The following LRRC37B variants were observed in gnomAD, a reference collection of about 807,000 sequenced individuals.
LRRC37B encodes the protein leucine rich repeat containing 37B.
A neutral mutation model predicts 98.3 loss-of-function variants in LRRC37B; 28 were observed. The ratio of observed to expected loss-of-function variants is 0.28; its 90% CI spans 0.21 to 0.39. The LOEUF (loss-of-function observed/expected upper bound fraction) is 0.39, where lower values mean the gene tolerates loss of function less well. Among genes scored for constraint, LRRC37B ranks in the 10% least tolerant of loss-of-function variants. The pLI, the probability that LRRC37B is intolerant of heterozygous loss-of-function variation, is 1.00. For missense variants in LRRC37B, 938 were observed against 1,182.7 expected, an observed-to-expected ratio of 0.79 and a Z score of 3.03; for synonymous variants, 364 against 442.7, an observed-to-expected ratio of 0.82 and a Z score of 2.23.
chr17:32,027,033 T>G (rs1244872521), intron 2 of LRRC37B, among the ~76,000 whole-genome samples: 1 of 152,118 alleles, frequency 6.6e-6, no homozygotes, highest in Non-Finnish European at 1.5e-5. Context: ...AGAAATTAAA[T>G]TAAATTAAAT....
chr17:32,017,820 C>T (rs527248617), upstream of LRRC37B, among the ~76,000 whole-genome samples: 9 of 152,010 alleles, frequency 5.9e-5, no homozygotes, highest in South Asian at 2.1e-4. Flanking sequence ...AACAAAAAAA[C>T]GAAGCATATG....
intron 7 of LRRC37B, chr17:32,042,014 T>G (rs1911454271): frequency 2.8e-6 from 1 of 356,140 alleles, no homozygotes; most frequent in South Asian, 2.1e-5. Flanking sequence ...ACAAGCCTGC[T>G]CCTGGCGATG....
At chr17:32,013,969 A>G (rs1163718713) in intron 1 of LRRC37B, among the ~76,000 whole-genome samples, 1 of 152,114 alleles carries the variant, frequency 6.6e-6, no homozygotes, top group Non-Finnish European at 1.5e-5. Context: ...TCCTTCAAAC[A>G]TCCCTCTTAC....
In LRRC37B at chr17:32,013,708, A is replaced by ATGTGTGTG. The variant is rs879747437; in HGVS notation, c.-190-4263_-190-4262insGTGTGTGT. Among the ~76,000 whole-genome samples the ATGTGTGTG allele has an allele frequency of 4.8e-3, 631 of 130,384 alleles. 3 individuals are homozygous for ATGTGTGTG. The highest frequency in any genetic ancestry group is 0.018 in the African/African-American group (613 of 34,370). The allele number at this position is 130,384 out of a possible 152,430, so 85.5% of individuals were successfully genotyped here. ...TCTAGTCCCCCTCCCTTATAATTGT[A>ATGTGTGTG]TATGTGTGTGTGTGTGTGTGTGTGT... On this transcript the variant is annotated intron_variant, in intron 1 of 14. Coordinates refer to the LRRC37B transcript ENST00000543378.
At chr17:32,037,986 G>T (rs1217763314) in intron 7 of LRRC37B, among the ~76,000 whole-genome samples, 1 of 152,114 alleles carries the variant, frequency 6.6e-6, no homozygotes, top group Non-Finnish European at 1.5e-5. Flanking sequence ...AATTAGCCGG[G>T]TGTAGTGGCG....
chr17:32,027,586 T>C (rs988874165), intron 2 of LRRC37B, among the ~76,000 whole-genome samples, 183 bp from the exon 6 acceptor site: 2 of 151,710 alleles, frequency 1.3e-5, no homozygotes, highest in African/African-American at 4.8e-5. Context: ...TGTGTGGTGG[T>C]GGTGGTGGAG....
chr17:32,022,264 C>T (rs1451987891), exon 1 of LRRC37B: 2 of 1,613,844 alleles, frequency 1.2e-6, no homozygotes, highest in East Asian at 2.2e-5. Context: ...CCAATTCAGC[C>T]TCCCGAGGAG....
In LRRC37B at chr17:32,015,142, A is replaced by G. The variant is rs573547161; in HGVS notation, c.-190-2830A>G. Among the ~76,000 whole-genome samples the G allele has an allele frequency of 4.6e-5, 7 of 152,194 alleles. No homozygotes were observed. In the South Asian group the frequency reaches 1.5e-3, roughly 32 times the overall value. On this transcript the variant is annotated intron_variant, in intron 1 of 14. Coordinates refer to the LRRC37B transcript ENST00000543378. The stretch of plus-strand genomic sequence containing the variant: ...GACTCTGTCTCAAAAAAAAGAAAGC[A>G]CCTGTAAAAGCTAGCTGGTGATTTT...
intron 7 of LRRC37B, among the ~76,000 whole-genome samples, chr17:32,038,202 A>T (rs530089018): frequency 6.6e-6 from 1 of 152,208 alleles, no homozygotes; most frequent in East Asian, 1.9e-4. Flanking sequence ...GCTCATGCCT[A>T]TAATCCCAGC....
intron 7 of LRRC37B, among the ~76,000 whole-genome samples, chr17:32,038,389 G>A (rs954831467): frequency 3.3e-5 from 5 of 152,000 alleles, no homozygotes; most frequent in African/African-American, 1.2e-4. Flanking sequence ...AGCCTGGGAG[G>A]TCGAGGCTCT....
chr17:32,037,715 C>T (rs984831169), intron 7 of LRRC37B, among the ~76,000 whole-genome samples: 1 of 152,180 alleles, frequency 6.6e-6, no homozygotes, highest in Admixed American at 6.5e-5. Flanking sequence ...CTTTACTGTA[C>T]TGTTCAAATC....
chr17:32,023,442 C>T (rs1910861085), intron 1 of LRRC37B, among the ~76,000 whole-genome samples: 1 of 152,184 alleles, frequency 6.6e-6, no homozygotes, highest in South Asian at 2.1e-4. Flanking sequence ...CTCTTTACAG[C>T]AGCCTGTCAC....
At position 32,021,770 on chromosome 17, in the gene LRRC37B, T is replaced by G; in HGVS notation, c.705T>G (p.Ile235Met). 2.5e-6 allele frequency: 4 copies of G among 1,614,232 alleles called. No homozygotes were observed. The South Asian group carries it at 4.4e-5, about 18-fold the overall frequency. The change falls in exon 1 of 12, where the codon ATT becomes ATG. Residue 235 changes from isoleucine (I) to methionine (M), a missense_variant. By Grantham distance (10) the Ile-to-Met change is conservative. Around this residue, in one of 2 missense-constraint regions of LRRC37B, gnomAD observed 610 missense variants for 625.6 expected, o/e 0.98. Coordinates refer to ENST00000327564, the Ensembl canonical transcript of LRRC37B. ...GGAGCCTTCCTGAGATTGTTGGGAT[T>G]CCACACCAATTATCCAAACCTCAGC...
chr17:32,046,321 G>C (rs1433598787), intron 8 of LRRC37B, among the ~76,000 whole-genome samples: 5 of 152,142 alleles, frequency 3.3e-5, no homozygotes, highest in Non-Finnish European at 7.4e-5. Flanking sequence ...ACCAGAAATT[G>C]CTACCTGGCT....
intron 7 of LRRC37B, chr17:32,040,864 G>A (rs992188550): frequency 7.2e-6 from 6 of 838,772 alleles, no homozygotes; most frequent in Non-Finnish European, 1.3e-5. Context: ...CAGAACCTGT[G>A]TGAGAAAGAC....
At chr17:32,011,345 C>G (rs1193071197) in intron 1 of LRRC37B, among the ~76,000 whole-genome samples, 1 of 151,638 alleles carries the variant, frequency 6.6e-6, no homozygotes, top group African/African-American at 2.4e-5. Context: ...GCATATATAC[C>G]TCATTTTCTT....
In LRRC37B at chr17:32,045,485, T is replaced by C. The variant is rs970104917; in HGVS notation, c.2205-215T>C. The C allele has an allele frequency of 1.6e-5, 9 of 550,740 alleles. No individual in the cohort carries two copies. In the African/African-American group the frequency reaches 1.7e-4, roughly 10 times the overall value. 34.1% of individuals were successfully genotyped at this position (550,740 alleles called of 1,614,324 possible). Reference sequence around the variant, plus strand: ...CACCCAATTCTAATCCCAACCACCTTTATTCTAGGCATACCATACTCACTG... The same window carrying C: ...CACCCAATTCTAATCCCAACCACCTCTATTCTAGGCATACCATACTCACTG... On this transcript the variant is annotated intron_variant, in intron 7 of 11. Transcript: ENST00000327564.
At chr17:32,031,556 A>C in intron 5 of LRRC37B, 98 bp downstream of exon 8, 1 of 1,246,936 alleles carries the variant, frequency 8.0e-7, no homozygotes, top group Non-Finnish European at 1.1e-6. Context: ...ATGAACTCTG[A>C]AAAGTGTGTC....
intron 11 of LRRC37B, chr17:32,051,411 G>A (rs1275892047): frequency 6.6e-6 from 1 of 151,506 alleles, no homozygotes; most frequent in Non-Finnish European, 1.5e-5. Context: ...AACCTGGGAG[G>A]TGGAGCATGC....
Sources: gnomAD v4.1 joint callset for allele counts (sites outside exome capture counted in the v4.1 genomes callset) on GRCh38, gnomAD v4.1.1 for gene constraint, gnomAD v4.1.1 regional missense constraint, MANE v1.5 for transcripts, NCBI Gene and HGNC (gene_info 2026-07-23, HGNC 2026-07-21) for gene names.